Variants in PIEZO2 observed in about 807,000 individuals in gnomAD.
PIEZO2 encodes piezo-type mechanosensitive ion channel component 2.
Under a neutral mutation model 337.3 loss-of-function variants are expected in PIEZO2, and 172 were observed. The ratio of observed to expected loss-of-function variants is 0.51; its 90% confidence interval spans 0.45 to 0.58. The LOEUF (loss-of-function observed/expected upper bound fraction) is 0.58, where lower values mean the gene tolerates loss of function less well. Among genes scored for constraint, PIEZO2 ranks in the 20% least tolerant of loss-of-function variants. The pLI is 0.00. For synonymous variants in PIEZO2, 1,251 were observed against 1,228.5 expected, an observed-to-expected ratio of 1.02 and a Z score of -0.38; for missense variants, 3,028 against 3,391.3, an observed-to-expected ratio of 0.89 and a Z score of 2.66.
chr18:10,883,422 A>G (rs1233609899), intron 4 of PIEZO2, among the ~76,000 whole-genome samples: 1 of 152,166 alleles, frequency 6.6e-6, no homozygotes, highest in South Asian at 2.1e-4. Context: ...TATGCTCACC[A>G]GCACCTCTTG....
rs1313232529 is a variant in PIEZO2, at chr18:10,716,445, G to T, written c.5090-629C>A. Among the ~76,000 whole-genome samples the T allele has an allele frequency of 6.6e-6, 1 of 152,120 alleles. No individual in the cohort carries two copies. Reference sequence around the variant, plus strand: ...TGTGTGACAATTTCCCACCTGTGCTGTCACTACCCTGGTGACACCCAAACC... The same window carrying T: ...TGTGTGACAATTTCCCACCTGTGCTTTCACTACCCTGGTGACACCCAAACC... On this transcript the variant is annotated intron_variant, in intron 37 of 55. Transcript: ENST00000674853. This position sits in a 1 kb window ranked among gnomAD's most constrained non-coding sequence, Gnocchi z 4.1.
chr18:10,726,084 G>A lies in PIEZO2; in HGVS notation c.5029+5323C>T, dbSNP rs1212355593. Among the ~76,000 whole-genome samples the A allele has an allele frequency of 6.6e-6, 1 of 152,154 alleles. No individual in the cohort carries two copies. Among genetic ancestry groups the A allele is most frequent in the Non-Finnish European group, 1.5e-5 (1 of 68,018 alleles). On this transcript the variant is annotated intron_variant, in intron 36 of 55. Transcript: ENST00000674853. This position sits in a 1 kb window ranked among gnomAD's most constrained non-coding sequence, Gnocchi z 5.9. The stretch of plus-strand genomic sequence containing the variant: ...ATTCTTGTGTCCAGGAGGGCTGGGG[G>A]CAATGTCAGTTCGGGAGAGTTCGTG...
intron 12 of PIEZO2, among the ~76,000 whole-genome samples, chr18:10,796,711 C>T (rs1307523615): frequency 6.6e-6 from 1 of 152,232 alleles, no homozygotes; most frequent in Non-Finnish European, 1.5e-5. Context: ...GATCCCTATA[C>T]TTCTGCTAGC....
chr18:10,735,501 A>C (rs1247822900), intron 34 of PIEZO2, among the ~76,000 whole-genome samples, 171 bp from the exon 35 acceptor site: 1 of 152,218 alleles, frequency 6.6e-6, no homozygotes, highest in Non-Finnish European at 1.5e-5. Context: ...GAATAAAGAA[A>C]ATAGTCAATC....
chr18:11,050,844 T>C (rs970082353), intron 2 of PIEZO2, among the ~76,000 whole-genome samples: 30 of 151,274 alleles, frequency 2.0e-4, no homozygotes, highest in African/African-American at 6.3e-4. Flanking sequence ...CAAGGAAATA[T>C]ATCTGGGGAA....
rs2041501417 is a variant in PIEZO2, at chr18:10,850,202, A to G, written c.917+5151T>C. 6.6e-6 allele frequency among the ~76,000 whole-genome samples: 1 copy of G among 152,184 alleles called. No homozygotes were observed. Among genetic ancestry groups the G allele is most frequent in the African/African-American group, 2.4e-5 (1 of 41,454 alleles). On this transcript the variant is annotated intron_variant, in intron 7 of 55. Coordinates refer to ENST00000674853, the MANE Select transcript of PIEZO2 (RefSeq NM_001378183.1). The surrounding 1 kb of genome is among the most constrained non-coding windows in gnomAD (Gnocchi z 4.5). ...ATAAAAGTAATGCAAAAACTCAACCACATGTGCAGATGAAACTGGAAGGAA... is the reference window on the plus strand; with the variant it reads ...ATAAAAGTAATGCAAAAACTCAACCGCATGTGCAGATGAAACTGGAAGGAA...
Position 10,726,965 on chromosome 18 carries a change from G to A in PIEZO2, c.5029+4442C>T. 1 of 1,356,852 alleles carries A rather than the reference G, an allele frequency of 7.4e-7. No individual in the cohort carries two copies. The highest frequency in any genetic ancestry group is 1.0e-6 in the Non-Finnish European group (1 of 993,528). The allele number at this position is 1,356,852 out of a possible 1,614,324, so 84.1% of individuals were successfully genotyped here. A position where few individuals can be genotyped will look rare whatever the true frequency, so the allele number is the denominator to read the frequency against. ...TGTAGGTTGAGGGCTGCAGACAGAG[G>A]CCCTGGACAGAAGCTCCAGATAGGC... is the stretch of plus-strand genomic sequence containing the variant. On this transcript the variant is annotated intron_variant, in intron 36 of 55. Transcript: ENST00000674853. This position sits in a 1 kb window ranked among gnomAD's most constrained non-coding sequence, Gnocchi z 5.9.
Position 10,979,494 on chromosome 18 carries a change from AAATAAAAGAAAAC to A in PIEZO2, c.286+28_286+40del, listed in dbSNP as rs375547824. On this transcript the variant is annotated intron_variant, in intron 3 of 55. Coordinates refer to ENST00000674853, the MANE Select transcript of PIEZO2 (RefSeq NM_001378183.1). This position sits in a 1 kb window ranked among gnomAD's most constrained non-coding sequence, Gnocchi z 4.0. ...GCTTTATTATGCACGTATATAAAAG[AAATAAAAGAAAAC>A]AATAAAAGAAAACACCATAATACTC... is the stretch of plus-strand genomic sequence containing the variant. 71 of 1,430,236 alleles carry A rather than the reference AAATAAAAGAAAAC, an allele frequency of 5.0e-5. No individual in the cohort carries two copies. In the Admixed American group the frequency reaches 5.2e-4, roughly 11 times the overall value. 88.6% of individuals were successfully genotyped at this position (1,430,236 alleles called of 1,614,324 possible).
rs2040189622 is a variant in PIEZO2, at chr18:11,126,573, G to A, written c.64+21952C>T. ...ATTTTTTTACTCTGAGAACTACAGA[G>A]AAGCTGAACTATCTATGGTTTAAAG... On this transcript the variant is annotated intron_variant, in intron 1 of 55. Coordinates refer to ENST00000674853, the MANE Select transcript of PIEZO2 (RefSeq NM_001378183.1). The surrounding 1 kb of genome is among the most constrained non-coding windows in gnomAD (Gnocchi z 4.6). Among the ~76,000 whole-genome samples, 1 of 151,710 alleles carries A rather than the reference G, an allele frequency of 6.6e-6. No individual in the cohort carries two copies. Among genetic ancestry groups the A allele is most frequent in the Admixed American group, 6.6e-5 (1 of 15,240 alleles).
Position 10,857,322 on chromosome 18 carries a change from C to A in PIEZO2, c.493-111G>T. The A allele has an allele frequency of 1.4e-5, 13 of 940,968 alleles. No individual in the cohort carries two copies. In the Admixed American group the frequency reaches 2.2e-4, roughly 16 times the overall value. 58.3% of individuals were successfully genotyped at this position (940,968 alleles called of 1,614,324 possible). On this transcript the variant is annotated intron_variant, in intron 5 of 55. Coordinates refer to ENST00000674853, the MANE Select transcript of PIEZO2 (RefSeq NM_001378183.1). ...AGTCAACGTGGTGAATTTCACAGATCAGGAAAAAAGGGAAGACAACCAGTT... is the reference window on the plus strand; with the variant it reads ...AGTCAACGTGGTGAATTTCACAGATAAGGAAAAAAGGGAAGACAACCAGTT...
chr18:10,803,363 T>C (rs2039891452), intron 9 of PIEZO2, among the ~76,000 whole-genome samples: 1 of 152,224 alleles, frequency 6.6e-6, no homozygotes, highest in Non-Finnish European at 1.5e-5. Flanking sequence ...GATATGAATT[T>C]TCAAAAATTC....
intron 7 of PIEZO2, among the ~76,000 whole-genome samples, chr18:10,840,913 A>G (rs2041169659): frequency 6.6e-6 from 1 of 152,162 alleles, no homozygotes; most frequent in Non-Finnish European, 1.5e-5. Flanking sequence ...ACTCCTTCCC[A>G]TCAGTGATGA....
intron 1 of PIEZO2, among the ~76,000 whole-genome samples, chr18:11,074,399 G>T (rs2038456484): frequency 6.6e-6 from 1 of 152,200 alleles, no homozygotes; most frequent in Non-Finnish European, 1.5e-5. Flanking sequence ...TAGCTAAGGT[G>T]CTTTAGCATT....
chr18:10,882,045 G>A (rs983070055), intron 4 of PIEZO2, among the ~76,000 whole-genome samples: 2 of 152,060 alleles, frequency 1.3e-5, no homozygotes, highest in African/African-American at 2.4e-5. Flanking sequence ...TCTTTTACAC[G>A]TATCCTAATC....
At chr18:10,678,363 G>GAT (rs1209015231) in intron 52 of PIEZO2, among the ~76,000 whole-genome samples, 3 of 152,158 alleles carry the variant, frequency 2.0e-5, no homozygotes, top group Non-Finnish European at 4.4e-5. Flanking sequence ...TACAGAATTG[G>GAT]ATATAAGGAA....
At chr18:10,907,529 G>A (rs529361231) in intron 4 of PIEZO2, among the ~76,000 whole-genome samples, 2 of 152,058 alleles carry the variant, frequency 1.3e-5, no homozygotes, top group East Asian at 1.9e-4. Flanking sequence ...GACACACCCC[G>A]TGGAGGCGAG....
At chr18:10,849,350 C>T (rs557686473) in intron 7 of PIEZO2, among the ~76,000 whole-genome samples, 2 of 152,326 alleles carry the variant, frequency 1.3e-5, no homozygotes, top group African/African-American at 2.4e-5. Flanking sequence ...ATCTTCTTCA[C>T]AAGGACGCAG....
At position 11,049,123 on chromosome 18, in the gene PIEZO2, G is replaced by A. The variant is rs531746757; in HGVS notation, c.160+17004C>T. ...ACCTTTAAAGGGAAAATAACCCTAA[G>A]AAGTCAAAGGAGGAGCTACGGTTTC... On this transcript the variant is annotated intron_variant, in intron 2 of 55. Coordinates refer to ENST00000674853, the MANE Select transcript of PIEZO2 (RefSeq NM_001378183.1). Among the ~76,000 whole-genome samples the A allele has an allele frequency of 3.3e-5, 5 of 152,250 alleles. No individual in the cohort carries two copies. In the East Asian group the frequency reaches 9.7e-4, roughly 29 times the overall value.
Position 10,850,938 on chromosome 18 carries a change from T to G in PIEZO2, c.917+4415A>C, listed in dbSNP as rs77312755. Among the ~76,000 whole-genome samples, 1 of 152,120 alleles carries G rather than the reference T, an allele frequency of 6.6e-6. No homozygotes were observed. The highest frequency in any genetic ancestry group is 1.5e-5 in the Non-Finnish European group (1 of 68,020). ...CAATATTTCTAAAAATAAGGTTAAT[T>G]CTCACCAGAGAGCACATTTGAAAGC... On this transcript the variant is annotated intron_variant, in intron 7 of 55. Transcript: ENST00000674853. The surrounding 1 kb of genome is among the most constrained non-coding windows in gnomAD (Gnocchi z 4.5).
Sources: gnomAD v4.1 joint callset for allele counts (sites outside exome capture counted in the v4.1 genomes callset) on GRCh38, gnomAD v4.1.1 for gene constraint, Gnocchi (gnomAD v3.1) non-coding constraint, MANE v1.5 for transcripts, NCBI Gene and HGNC (gene_info 2026-07-23, HGNC 2026-07-21) for gene names.